Variants in PDE8A observed in about 807,000 individuals in gnomAD.
The protein encoded by PDE8A is phosphodiesterase 8A.
Under a neutral mutation model 105.0 loss-of-function variants are expected in PDE8A, and 59 were observed. The ratio of observed to expected loss-of-function variants is 0.56; its 90% CI spans 0.46 to 0.70. The LOEUF (loss-of-function observed/expected upper bound fraction) is 0.70. PDE8A is among the 30% of genes least tolerant of loss of function. The pLI is 0.00. For synonymous variants in PDE8A, 355 were observed against 371.9 expected (o/e 0.95, Z 0.52); for missense variants, 1,014 against 1,045.9 (o/e 0.97, Z 0.42).
At chr15:85,055,443 C>CT (rs1255113806) in intron 1 of PDE8A, among the ~76,000 whole-genome samples, 9 of 152,102 alleles carry the variant, frequency 5.9e-5, no homozygotes, top group African/African-American at 1.7e-4. Context: ...GTGTGGGAGT[C>CT]TAAGTCTCTT....
chr15:85,028,517 C>CA (rs945426501), intron 1 of PDE8A, among the ~76,000 whole-genome samples: 1 of 152,158 alleles, frequency 6.6e-6, no homozygotes, highest in Non-Finnish European at 1.5e-5. Context: ...GCCCGCCCAG[C>CA]ATGGACATTT....
rs74024786 is a variant in PDE8A, at chr15:85,023,525, G to C, written c.187-40845G>C. Among the ~76,000 whole-genome samples the C allele has an allele frequency of 5.4e-3, 829 of 152,306 alleles. 7 individuals are homozygous for C. Among genetic ancestry groups the C allele is most frequent in the African/African-American group, 0.019 (770 of 41,556 alleles). On this transcript the variant is annotated intron_variant, in intron 1 of 21. Transcript: ENST00000394553. Reference sequence around the variant, plus strand: ...TCCATGGTGGTCTATACAGAACTGGGGAGGTGGGATTGGAGAGAGGGTAAA... The same window carrying C: ...TCCATGGTGGTCTATACAGAACTGGCGAGGTGGGATTGGAGAGAGGGTAAA...
chr15:85,009,696 T>C (rs1248262732), intron 1 of PDE8A, among the ~76,000 whole-genome samples: 3 of 152,202 alleles, frequency 2.0e-5, no homozygotes, highest in South Asian at 2.1e-4. Context: ...GGAATGTAAA[T>C]TAGCAAGATT....
At chr15:85,109,247 A>C (rs1596528065) in intron 12 of PDE8A, 117 bp downstream of exon 12, 1 of 590,444 alleles carries the variant, frequency 1.7e-6, no homozygotes, top group Non-Finnish European at 3.0e-6. Flanking sequence ...AGAGGAGGGA[A>C]CCCTCTGGAA....
At chr15:85,103,599 G>A (rs539328658) in intron 11 of PDE8A, among the ~76,000 whole-genome samples, 1 of 152,336 alleles carries the variant, frequency 6.6e-6, no homozygotes, top group East Asian at 1.9e-4. Context: ...AGTTTTTTCT[G>A]GAAGGAAATA....
chr15:85,135,438 A>G (rs2141660211), intron 20 of PDE8A, among the ~76,000 whole-genome samples: 1 of 152,198 alleles, frequency 6.6e-6, no homozygotes, highest in African/African-American at 2.4e-5. Context: ...TCAATACAAC[A>G]GCCACCATCC....
intron 3 of PDE8A, among the ~76,000 whole-genome samples, chr15:85,069,076 A>T (rs558638874): frequency 7.9e-5 from 12 of 152,230 alleles, no homozygotes; most frequent in Admixed American, 7.9e-4. Flanking sequence ...CTATGAGCTT[A>T]TAGACTAGAG....
In PDE8A at chr15:85,089,319, T is replaced by G. The variant is rs779009148; in HGVS notation, c.636-19T>G. ...GTAGTATTTACATTAATCATTCCTT[T>G]TTTTGTTTACTCATAAAGGGCTTGT... On this transcript the variant is annotated intron_variant, in intron 6 of 21. Transcript: ENST00000394553. The G allele has an allele frequency of 1.5e-6, 2 of 1,326,416 alleles. No individual in the cohort carries two copies. Among genetic ancestry groups the G allele is most frequent in the South Asian group, 2.5e-5 (2 of 78,992 alleles). The allele number at this position is 1,326,416 out of a possible 1,614,324, so 82.2% of individuals were successfully genotyped here.
chr15:84,992,859 A>T (rs906564499), intron 1 of PDE8A, among the ~76,000 whole-genome samples: 1 of 152,098 alleles, frequency 6.6e-6, no homozygotes, highest in Admixed American at 6.6e-5. Flanking sequence ...ATCTCATTTG[A>T]TGTTCCCCAA....
At chr15:85,000,691 C>G (rs1234740971) in intron 1 of PDE8A, among the ~76,000 whole-genome samples, 1 of 152,186 alleles carries the variant, frequency 6.6e-6, no homozygotes, top group Admixed American at 6.5e-5. Flanking sequence ...GAACTGGGCC[C>G]TGGCTCCTCC....
intron 1 of PDE8A, chr15:85,062,434 T>G (rs558677084): frequency 6.6e-6 from 1 of 152,270 alleles, no homozygotes; most frequent in Admixed American, 6.5e-5. Flanking sequence ...AATGTCTGAC[T>G]CTCAAAGGGG....
Position 85,072,687 on chromosome 15 carries a change from G to GAGT in PDE8A, c.435-3175_435-3174insAGT, listed in dbSNP as rs763174262. 6.6e-3 allele frequency among the ~76,000 whole-genome samples: 1,003 copies of GAGT among 152,300 alleles called. 8 individuals carry two copies. The highest frequency in any genetic ancestry group is 0.031 in the Middle Eastern group (9 of 294). On this transcript the variant is annotated intron_variant, in intron 3 of 21. Transcript: ENST00000394553. ...TCCTGATCCTGCAGAGTCCATGGCA[G>GAGT]CCCTGGACTGTCTCCTCTGCACATT...
At chr15:84,989,991 A>G (rs1025656911) in intron 1 of PDE8A, among the ~76,000 whole-genome samples, 3 of 152,102 alleles carry the variant, frequency 2.0e-5, no homozygotes, top group African/African-American at 7.2e-5. Flanking sequence ...ATTCATTTCA[A>G]AGTAAGTTCC....
chr15:85,032,125 G>A lies in PDE8A; in HGVS notation c.187-32245G>A, dbSNP rs73444098. Among the ~76,000 whole-genome samples the A allele has an allele frequency of 8.9e-3, 1,348 of 152,286 alleles. 23 individuals are homozygous for A. The highest frequency in any genetic ancestry group is 0.031 in the African/African-American group (1,292 of 41,540). The stretch of plus-strand genomic sequence containing the variant: ...GCCATAGCCAGCTTTGAGGTTCAGT[G>A]TTTGTATAGCTCTAAGTCTCTGTTA... On this transcript the variant is annotated intron_variant, in intron 1 of 21. Transcript: ENST00000394553.
At position 85,115,981 on chromosome 15, in the gene PDE8A, C is replaced by T. The variant is rs2082090087; in HGVS notation, c.1400-3C>T. On this transcript the variant is annotated splice_region_variant and splice_polypyrimidine_tract_variant and intron_variant, in intron 15 of 21. Transcript: ENST00000394553. ...TTGTTCTCCAAATTACATCACTTTA[C>T]AGACACTCAAATGGTTTCAAGCAAT... 6 of 1,604,930 alleles carry T rather than the reference C, an allele frequency of 3.7e-6. No individual in the cohort carries two copies. The highest frequency in any genetic ancestry group is 1.3e-5 in the African/African-American group (1 of 74,588).
intron 6 of PDE8A, among the ~76,000 whole-genome samples, chr15:85,087,098 C>G (rs867310973): frequency 4.9e-4 from 73 of 149,174 alleles, no homozygotes; most frequent in African/African-American, 1.8e-3. Context: ...CATATTATCT[C>G]CTGGTTTTTT....
At chr15:85,058,415 G>A (rs574720376) in intron 1 of PDE8A, among the ~76,000 whole-genome samples, 123 of 152,230 alleles carry the variant, frequency 8.1e-4, no homozygotes, top group African/African-American at 2.2e-3. Flanking sequence ...TAATACTGGC[G>A]TCATAGAATG....
intron 20 of PDE8A, among the ~76,000 whole-genome samples, chr15:85,129,748 C>A (rs1193420029): frequency 6.6e-6 from 1 of 151,930 alleles, no homozygotes; most frequent in Non-Finnish European, 1.5e-5. Context: ...TTAGTTTATT[C>A]TTTCTGTAGC....
chr15:85,016,069 G>A (rs1042251723), intron 1 of PDE8A, among the ~76,000 whole-genome samples: 2 of 152,212 alleles, frequency 1.3e-5, no homozygotes, highest in Admixed American at 6.5e-5. Flanking sequence ...CCGGGAAGTG[G>A]AGGTTGCAGT....
Sources: allele counts gnomAD v4.1 joint callset (sites outside exome capture counted in the v4.1 genomes callset), GRCh38; gene constraint gnomAD v4.1.1; transcripts MANE v1.5; gene names NCBI Gene and HGNC (gene_info 2026-07-23, HGNC 2026-07-21).